Variants in TBC1D31 observed in about 807,000 individuals in gnomAD.
TBC1D31 encodes TBC1 domain family member 31, also known as WD repeat domain 67.
TBC1D31 carries 99 observed loss-of-function variants against 132.9 expected under a neutral mutation model. That is an observed-to-expected ratio of 0.74 (90% CI 0.63 to 0.88). The LOEUF (loss-of-function observed/expected upper bound fraction) is 0.88. Ranked by LOEUF, TBC1D31 falls within the 40% of genes least tolerant of loss-of-function variation. TBC1D31 has a pLI of 0.00. For missense variants in TBC1D31, 1,134 were observed against 1,256.6 expected, an observed-to-expected ratio of 0.90 and a Z score of 1.48; for synonymous variants, 385 against 419.4, an observed-to-expected ratio of 0.92 and a Z score of 1.00.
intron 2 of TBC1D31, among the ~76,000 whole-genome samples, chr8:123,079,134 C>T (rs1228552414): frequency 6.6e-6 from 1 of 152,078 alleles, no homozygotes; most frequent in Non-Finnish European, 1.5e-5. Context: ...CAAGATCATG[C>T]AAGTTGGGTA....
chr8:123,154,575 G>T (rs1426878698), downstream of TBC1D31, among the ~76,000 whole-genome samples: 2 of 152,210 alleles, frequency 1.3e-5, no homozygotes, highest in Admixed American at 6.5e-5. Flanking sequence ...CGCTTGTCAG[G>T]GTAGTGTGCA....
rs765141505 is a variant in TBC1D31 at position 123,144,821 on chromosome 8, G to A, written c.2940G>A (p.Ala980=). ...RKWFLKQEIN[A]AVEHAENPCH... The stretch of plus-strand genomic sequence containing the variant: ...GGTTTTTAAAGCAAGAGATAAATGC[G>A]GCTGTAGAACATGCTGAAAATCCAT... The change falls in exon 20 of 22, where the codon GCG becomes GCA. Residue 980 remains alanine (A), a synonymous_variant. Coordinates refer to ENST00000287380, the MANE Select transcript of TBC1D31 (RefSeq NM_145647.4). The A allele has an allele frequency of 5.6e-6, 9 of 1,613,430 alleles. No homozygotes were observed. The highest frequency in any genetic ancestry group is 1.6e-4 in the Middle Eastern group (1 of 6,082).
downstream of TBC1D31, among the ~76,000 whole-genome samples, chr8:123,156,295 GC>G (rs1336173198): frequency 3.3e-5 from 5 of 152,070 alleles, no homozygotes; most frequent in African/African-American, 1.2e-4. Flanking sequence ...ACAAAAATTA[GC>G]CGAGTGTAGT....
chr8:123,117,675 C>T (rs539430586), intron 10 of TBC1D31, among the ~76,000 whole-genome samples: 135 of 149,428 alleles, frequency 9.0e-4, no homozygotes, highest in Non-Finnish European at 1.5e-3. Flanking sequence ...ATGGCGTGAA[C>T]CCGGGAGGCG....
chr8:123,144,648 T>C, intron 19 of TBC1D31, 69 bp from the exon 20 acceptor site: 1 of 1,417,084 alleles, frequency 7.1e-7, no homozygotes, highest in South Asian at 1.4e-5. Context: ...CAGAAGTGGC[T>C]CATTCCACTG....
intron 1 of TBC1D31, among the ~76,000 whole-genome samples, chr8:123,074,146 C>T (rs866066394): frequency 3.9e-5 from 6 of 152,044 alleles, no homozygotes; most frequent in African/African-American, 1.4e-4. Flanking sequence ...ATTCTCCTGC[C>T]GCAGCCTCCT....
intron 1 of TBC1D31, among the ~76,000 whole-genome samples, chr8:123,076,155 G>A (rs534740443): frequency 1.4e-3 from 210 of 152,034 alleles, no homozygotes; most frequent in Non-Finnish European, 2.5e-3. Context: ...GCAGGAGTGC[G>A]GTGGCATGAT....
chr8:123,146,652 G>C (rs1346554949), intron 20 of TBC1D31, among the ~76,000 whole-genome samples: 1 of 151,814 alleles, frequency 6.6e-6, no homozygotes, highest in East Asian at 1.9e-4. Flanking sequence ...AATTTGAAGA[G>C]TGAAAATATA....
chr8:123,128,702 C>T (rs550392736), intron 14 of TBC1D31, among the ~76,000 whole-genome samples, 189 bp downstream of exon 14: 1 of 152,032 alleles, frequency 6.6e-6, no homozygotes, highest in Non-Finnish European at 1.5e-5. Flanking sequence ...TGGTGAAACC[C>T]CGTCTCTACT....
At chr8:123,102,660 G>A (rs1443435244) in intron 7 of TBC1D31, 1 of 192,990 alleles carries the variant, frequency 5.2e-6, no homozygotes, top group Non-Finnish European at 1.1e-5. Flanking sequence ...GTGCTTTCAT[G>A]GTCATTCAGG....
chr8:123,113,867 GAGAT>G (rs1325500157), intron 10 of TBC1D31, among the ~76,000 whole-genome samples: 2 of 152,144 alleles, frequency 1.3e-5, no homozygotes, highest in Non-Finnish European at 2.9e-5. Flanking sequence ...TACATTAAAA[GAGAT>G]AGAGATTTAA....
In TBC1D31 at chr8:123,097,265, C is replaced by T. The variant is rs1333919263; in HGVS notation, c.672-17C>T. ...CAATTGAACCCGTTTTTCTTTCTCA[C>T]TTTTTTGTTTATATAGAGATGGCCG... On this transcript the variant is annotated splice_polypyrimidine_tract_variant and intron_variant, in intron 5 of 21. Transcript: ENST00000287380. The T allele has an allele frequency of 3.7e-6, 6 of 1,610,430 alleles. No individual in the cohort carries two copies. The Admixed American group carries it at 5.1e-5, about 14-fold the overall frequency.
the TBC1D31 span, among the ~76,000 whole-genome samples, chr8:123,157,713 G>GCA: frequency 1.0e-5 from 1 of 99,652 alleles, no homozygotes. Context: ...ACACGGGCGC[G>GCA]CGCGCGCACA....
At chr8:123,152,625 C>T (rs1822877679), downstream of TBC1D31, among the ~76,000 whole-genome samples, 1 of 152,164 alleles carries the variant, frequency 6.6e-6, no homozygotes, top group South Asian at 2.1e-4. Flanking sequence ...AATCCCAGCA[C>T]TTTGGGAGGC....
At chr8:123,154,956 A>G (rs142256183), downstream of TBC1D31, among the ~76,000 whole-genome samples, 1,034 of 152,268 alleles carry the variant, frequency 6.8e-3, 17 homozygotes, top group African/African-American at 0.024. Context: ...CATCATGCGC[A>G]TTGTAAGGAG....
downstream of TBC1D31, among the ~76,000 whole-genome samples, chr8:123,152,479 C>T (rs1395566676): frequency 6.6e-6 from 1 of 152,106 alleles, no homozygotes; most frequent in Non-Finnish European, 1.5e-5. Flanking sequence ...TGCTCTTCCT[C>T]CCTCCCTCCA....
intron 11 of TBC1D31, among the ~76,000 whole-genome samples, chr8:123,121,183 C>T (rs753999338): frequency 1.3e-5 from 2 of 148,376 alleles, no homozygotes; most frequent in Non-Finnish European, 2.9e-5. Flanking sequence ...GTCTCGAACT[C>T]CTGACCCCAA....
intron 21 of TBC1D31, among the ~76,000 whole-genome samples, chr8:123,151,196 A>T (rs536042854): frequency 6.6e-6 from 1 of 152,348 alleles, no homozygotes; most frequent in East Asian, 1.9e-4. Context: ...GAGGAAAAAC[A>T]GTTTTTCAGA....
In TBC1D31 at chr8:123,126,056, TC is replaced by T; in HGVS notation, c.1572del (p.Asn525IlefsTer20). On this transcript the variant is annotated frameshift_variant and splice_region_variant, in exon 12 of 22. Coordinates refer to ENST00000287380, the MANE Select transcript of TBC1D31 (RefSeq NM_145647.4). LOFTEE classifies it high-confidence loss of function. ...ATGTTTTCTTTTTTTTCCTTCATAG[TC>T]AATTGGTGTCAACACTGGTTTGAAT... Reference protein sequence around the residue: ...ICFEVIATLIINWCQHWFEYF... With the variant: ...ICFEVIATLIXNWCQHWFEYF... 1 of 1,580,618 alleles carries T rather than the reference TC, an allele frequency of 6.3e-7. No individual in the cohort carries two copies. The highest frequency in any genetic ancestry group is 1.2e-5 in the South Asian group (1 of 83,394).
Sources: allele counts gnomAD v4.1 joint callset (sites outside exome capture counted in the v4.1 genomes callset), GRCh38; gene constraint gnomAD v4.1.1; transcripts MANE v1.5; gene names NCBI Gene and HGNC (gene_info 2026-07-23, HGNC 2026-07-21).